The following CCNA1 variants were observed in gnomAD, a reference collection of about 807,000 sequenced individuals.
The protein encoded by CCNA1 is cyclin-A1.
In CCNA1, 23 loss-of-function variants were observed where a neutral mutation model predicts 54.1. The ratio of observed to expected loss-of-function variants is 0.42; its 90% confidence interval spans 0.31 to 0.60. The LOEUF (loss-of-function observed/expected upper bound fraction) is 0.60, where lower values mean the gene tolerates loss of function less well. Among genes scored for constraint, CCNA1 ranks in the 20% least tolerant of loss-of-function variants. The probability of loss-of-function intolerance (pLI) is 0.14; values close to 1 mark genes in which losing one functional copy is unlikely to be tolerated. For missense variants in CCNA1, 450 were observed against 556.7 expected (o/e 0.81, Z 1.93); for synonymous variants, 208 against 213.9 (o/e 0.97, Z 0.24).
At chr13:36,433,353 G>A (rs558671509) in intron 2 of CCNA1, 132 bp downstream of exon 2, 8 of 434,100 alleles carry the variant, frequency 1.8e-5, no homozygotes, top group Non-Finnish European at 3.1e-5. Flanking sequence ...TGGACTACAG[G>A]AAAGTTGATT....
intron 4 of CCNA1, 44 bp downstream of exon 4, chr13:36,438,235 C>T: frequency 6.4e-7 from 1 of 1,560,866 alleles, no homozygotes; most frequent in Non-Finnish European, 8.7e-7. Context: ...GACCCGAGCT[C>T]TTATTACTAA....
chr13:36,439,871 GCTGCAAAGTAAGT>G, intron 5 of CCNA1, 95 bp from the exon 6 acceptor site: 1 of 667,594 alleles, frequency 1.5e-6, no homozygotes, highest in Non-Finnish European at 2.6e-6. Flanking sequence ...TGGATATGTG[GCTGCAAAGTAAGT>G]CTGCAAGGGC....
Position 36,432,594 on chromosome 13 carries a change from C to T in CCNA1, c.-28C>T. On this transcript the variant is annotated 5_prime_UTR_variant, in exon 1 of 9. Coordinates refer to ENST00000255465, the MANE Select transcript of CCNA1 (RefSeq NM_003914.4). Reference sequence around the variant, plus strand: ...CCTCCTGTCTGGTGGGAGGAGGCCGCAGCGCAGCACCCTGCTCGTCACTTG... The same window carrying T: ...CCTCCTGTCTGGTGGGAGGAGGCCGTAGCGCAGCACCCTGCTCGTCACTTG... The T allele has an allele frequency of 6.8e-7, 1 of 1,467,550 alleles. No homozygotes were observed. The highest frequency in any genetic ancestry group is 9.2e-7 in the Non-Finnish European group (1 of 1,082,204). The allele number at this position is 1,467,550 out of a possible 1,614,324, so 90.9% of individuals were successfully genotyped here. A position where few individuals can be genotyped will look rare whatever the true frequency, so the allele number is the denominator to read the frequency against.
chr13:36,438,557 C>A, intron 4 of CCNA1, 87 bp from the exon 5 acceptor site: 1 of 908,896 alleles, frequency 1.1e-6, no homozygotes, highest in African/African-American at 1.7e-5. Flanking sequence ...CCAACCTTTG[C>A]TTGTGAGATT....
Position 36,433,077 on chromosome 13 carries a change from G to C in CCNA1, c.153G>C (p.Lys51Asn). 1 of 1,614,158 alleles carries C rather than the reference G, an allele frequency of 6.2e-7. No homozygotes were observed. The highest frequency in any genetic ancestry group is 8.5e-7 in the Non-Finnish European group (1 of 1,179,988). ...AAGCAATGCACTGCAGCAACCCCAA[G>C]AGTGGAGTTGTGCTGGCTACAGTGG... is the stretch of plus-strand genomic sequence containing the variant. Residue 51 changes from lysine to asparagine, a missense_variant, in exon 2 of 9, where the codon AAG becomes AAC. By Grantham distance (94) the Lys-to-Asn change is moderately conservative (BLOSUM62 0). Transcript: ENST00000255465.
intron 2 of CCNA1, among the ~76,000 whole-genome samples, chr13:36,435,429 T>C (rs1593322003): frequency 6.6e-6 from 1 of 152,330 alleles, no homozygotes; most frequent in East Asian, 1.9e-4. Context: ...CCTGCTCTAT[T>C]TGGACTCAAT....
At chr13:36,439,760 C>G (rs1047793080) in intron 5 of CCNA1, among the ~76,000 whole-genome samples, 32 of 152,146 alleles carry the variant, frequency 2.1e-4, no homozygotes, top group African/African-American at 7.2e-4. Flanking sequence ...TGTTACTACT[C>G]CTAGCAGTAA....
chr13:36,433,924 C>G (rs1401903769), intron 2 of CCNA1, among the ~76,000 whole-genome samples: 2 of 152,114 alleles, frequency 1.3e-5, no homozygotes, highest in African/African-American at 4.8e-5. Flanking sequence ...TTTCCACTAT[C>G]AAGGAAATAG....
At chr13:36,439,049 C>T (rs1175031293) in intron 5 of CCNA1, among the ~76,000 whole-genome samples, 182 bp downstream of exon 5, 2 of 152,192 alleles carry the variant, frequency 1.3e-5, no homozygotes, top group African/African-American at 4.8e-5. Context: ...CACATGTTTA[C>T]TCTTCAATCA....
chr13:36,438,979 A>C, intron 5 of CCNA1, 112 bp downstream of exon 5: 1 of 767,318 alleles, frequency 1.3e-6, no homozygotes, highest in South Asian at 1.7e-5. Flanking sequence ...AAAACTAGTC[A>C]TGTGTCCTTT....
intron 2 of CCNA1, among the ~76,000 whole-genome samples, chr13:36,436,174 C>G (rs1019009746): frequency 6.6e-6 from 1 of 152,186 alleles, no homozygotes; most frequent in Non-Finnish European, 1.5e-5. Flanking sequence ...TTATGCCACT[C>G]CTTTGCCCAA....
rs769653656 is a variant in CCNA1, at chr13:36,440,033, T to C, written c.948T>C (p.Asp316=). The change falls in exon 6 of 9, where the codon GAT becomes GAC. Residue 316 remains aspartate (D), a synonymous_variant. Transcript: ENST00000255465. ...TAGACGAGTTTGTCTATATCACCGATGATACATACACAAAACGACAACTGT... is the reference window on the plus strand; with the variant it reads ...TAGACGAGTTTGTCTATATCACCGACGATACATACACAAAACGACAACTGT... 1.2e-6 allele frequency: 2 copies of C among 1,613,528 alleles called. No homozygotes were observed. The highest frequency in any genetic ancestry group is 1.7e-6 in the Non-Finnish European group (2 of 1,179,428).
intron 2 of CCNA1, among the ~76,000 whole-genome samples, chr13:36,435,035 A>G (rs1323810425): frequency 6.6e-6 from 1 of 152,182 alleles, no homozygotes; most frequent in African/African-American, 2.4e-5. Context: ...TCTGGACCAC[A>G]GGGAAGAAGT....
intron 2 of CCNA1, among the ~76,000 whole-genome samples, chr13:36,437,344 C>A (rs1451787769): frequency 6.6e-6 from 1 of 152,104 alleles, no homozygotes; most frequent in Non-Finnish European, 1.5e-5. Context: ...TGGAAGAGAG[C>A]TATAGGTTTT....
At chr13:36,435,764 G>T (rs1272425358) in intron 2 of CCNA1, among the ~76,000 whole-genome samples, 3 of 152,124 alleles carry the variant, frequency 2.0e-5, no homozygotes, top group Non-Finnish European at 4.4e-5. Flanking sequence ...TTTATTGCAG[G>T]CTCACATATT....
chr13:36,433,712 T>C (rs1448074036), intron 2 of CCNA1, among the ~76,000 whole-genome samples: 11 of 151,790 alleles, frequency 7.2e-5, no homozygotes, highest in Non-Finnish European at 1.0e-4. Context: ...GGCTAATTTT[T>C]GTGTTTTTAG....
In CCNA1 at chr13:36,442,775, C is replaced by A; in HGVS notation, c.*110C>A. 1 of 860,372 alleles carries A rather than the reference C, an allele frequency of 1.2e-6. No homozygotes were observed. The highest frequency in any genetic ancestry group is 1.9e-6 in the Non-Finnish European group (1 of 531,448). 53.3% of individuals were successfully genotyped at this position (860,372 alleles called of 1,614,324 possible). On this transcript the variant is annotated 3_prime_UTR_variant, in exon 9 of 9. Transcript: ENST00000255465. Reference sequence around the variant, plus strand: ...CTAATGTTGTTTACAATATAGATGACATTTTAAAAATGTAAATGAATTTAG... The same window carrying A: ...CTAATGTTGTTTACAATATAGATGAAATTTTAAAAATGTAAATGAATTTAG...
rs975149282 is a variant in CCNA1, at chr13:36,433,086, T to G, written c.162T>G (p.Val54=). The G allele has an allele frequency of 1.9e-6, 3 of 1,614,054 alleles. No homozygotes were observed. In the African/African-American group the frequency reaches 4.0e-5, roughly 22 times the overall value. Residue 54 remains valine (V), a synonymous_variant, in exon 2 of 9, where the codon GTT becomes GTG. Coordinates refer to ENST00000255465, the MANE Select transcript of CCNA1 (RefSeq NM_003914.4). ...ACTGCAGCAACCCCAAGAGTGGAGT[T>G]GTGCTGGCTACAGTGGCCCGAGGTC...
At chr13:36,438,548 C>A in intron 4 of CCNA1, 96 bp from the exon 5 acceptor site, 1 of 856,686 alleles carries the variant, frequency 1.2e-6, no homozygotes, top group Non-Finnish European at 1.9e-6. Context: ...AGAATCTTTC[C>A]AACCTTTGCT....
Sources: allele counts gnomAD v4.1 joint callset (sites outside exome capture counted in the v4.1 genomes callset), GRCh38; gene constraint gnomAD v4.1.1; transcripts MANE v1.5; gene names NCBI Gene and HGNC (gene_info 2026-07-23, HGNC 2026-07-21).